Variants in CRMP1 observed in about 807,000 individuals in gnomAD.
The protein encoded by CRMP1 is collapsin response mediator protein 1, also known as dihydropyrimidinase-related protein 1.
In CRMP1, 19 loss-of-function variants were observed where a neutral mutation model predicts 68.3. The observed-to-expected ratio is 0.28, with a 90% confidence interval of 0.19 to 0.41. The LOEUF (loss-of-function observed/expected upper bound fraction) is 0.41. CRMP1 is among the 10% of genes least tolerant of loss of function. The probability of loss-of-function intolerance (pLI) is 1.00; values close to 1 mark genes in which losing one functional copy is unlikely to be tolerated. For missense variants in CRMP1, 791 were observed against 967.4 expected (o/e 0.82, Z 2.42); for synonymous variants, 439 against 399.6 (o/e 1.10, Z -1.18).
chr4:5,844,314 G>A (rs1052463610), intron 6 of CRMP1, among the ~76,000 whole-genome samples: 1 of 136,360 alleles, frequency 7.3e-6, no homozygotes, highest in Non-Finnish European at 1.6e-5. Context: ...TTGTTTACAT[G>A]TCAGTTACTA....
At position 5,891,998 on chromosome 4, in the gene CRMP1, G is replaced by T. The variant is rs557337285; in HGVS notation, c.381+591C>A. ...TGGCGCTTGAGGGTAGGGGTTTACG[G>T]CTCCAACTGCCCGACGAACTAAATC... is the stretch of plus-strand genomic sequence containing the variant. On this transcript the variant is annotated intron_variant, in intron 1 of 13. Coordinates refer to ENST00000324989, the MANE Select transcript of CRMP1 (RefSeq NM_001014809.3). This position sits in a 1 kb window ranked among gnomAD's most constrained non-coding sequence, Gnocchi z 5.2. Among the ~76,000 whole-genome samples, 12 of 152,314 alleles carry T rather than the reference G, an allele frequency of 7.9e-5. No individual in the cohort carries two copies. In the East Asian group the frequency reaches 1.7e-3, roughly 22 times the overall value.
Position 5,866,697 on chromosome 4 carries a change from A to G in CRMP1, c.441T>C (p.Ala147=). Residue 147 remains alanine (A), a synonymous_variant, in exon 2 of 14, where the codon GCT becomes GCC. Coordinates refer to ENST00000324989, the MANE Select transcript of CRMP1 (RefSeq NM_001014809.3). The surrounding 1 kb of genome is among the most constrained non-coding windows in gnomAD (Gnocchi z 5.9). The stretch of plus-strand genomic sequence containing the variant: ...TAAGTCCATCCTCCAGGTAGACGTC[A>G]GCATAAAGGGATTGGTCATCGTTGA... The part of the protein sequence containing the change: ...RIINDDQSLY[A]DVYLEDGLIK... 6.2e-7 allele frequency: 1 copy of G among 1,613,132 alleles called. No homozygotes were observed. Among genetic ancestry groups the G allele is most frequent in the Non-Finnish European group, 8.5e-7 (1 of 1,179,890 alleles).
At chr4:5,847,225 T>C (rs1317957014) in intron 6 of CRMP1, among the ~76,000 whole-genome samples, 2 of 152,182 alleles carry the variant, frequency 1.3e-5, no homozygotes, top group African/African-American at 4.8e-5. Context: ...GGAGATATCT[T>C]CCTTCTTTAG....
rs367908652 is a variant in CRMP1 at position 5,828,483 on chromosome 4, A to G, written c.1803+6T>C. On this transcript the variant is annotated splice_donor_region_variant and intron_variant, in intron 12 of 13. Transcript: ENST00000324989. ...GGTGGGCCCGCTCCCCTGCAGACAC[A>G]CTCACCTTATTCCTGATTTTGACGC... 3.7e-6 allele frequency: 6 copies of G among 1,612,944 alleles called. No individual in the cohort carries two copies. In the African/African-American group the frequency reaches 8.0e-5, roughly 22 times the overall value.
At chr4:5,823,028 C>CTGTCTTGGTGAATTTTTTTTAAGT (rs1718932024) in intron 13 of CRMP1, among the ~76,000 whole-genome samples, 4 of 152,224 alleles carry the variant, frequency 2.6e-5, no homozygotes, top group Non-Finnish European at 5.9e-5. Context: ...TTACCGACAA[C>CTGTCTTGGTGAATTTTTTTTAAGT]TGTCTTGGTG....
rs920666991 is a variant in CRMP1, at chr4:5,852,179, G to A, written c.821-710C>T. 7.9e-5 allele frequency among the ~76,000 whole-genome samples: 12 copies of A among 152,340 alleles called. No homozygotes were observed. In the South Asian group the frequency reaches 2.5e-3, roughly 32 times the overall value. On this transcript the variant is annotated intron_variant, in intron 4 of 13. Transcript: ENST00000324989. ...CCCATTTCTTTAAAGAATTGTGTTT[G>A]CAATTCCCATAAAGACATCAACAGT...
chr4:5,828,712 C>T (rs771997585), intron 11 of CRMP1, 44 bp from the exon 12 acceptor site: 2 of 1,599,174 alleles, frequency 1.3e-6, no homozygotes, highest in African/African-American at 2.7e-5. Context: ...TTTGCTCTGC[C>T]CCAAACGAGC....
In CRMP1 at chr4:5,843,147, G is replaced by C; in HGVS notation, c.978C>G (p.Ile326Met). 6.2e-7 allele frequency: 1 copy of C among 1,614,190 alleles called. No individual in the cohort carries two copies. The highest frequency in any genetic ancestry group is 8.5e-7 in the Non-Finnish European group (1 of 1,180,032). ...GDLIAQEQKR[I>M]LEMGITGPEG... ...CGGGACCCGTGATGCCCATCTCCAG[G>C]ATCCGCTTTTGTTCCTACAAGACAA... Residue 326 changes from isoleucine (I) to methionine (M), a missense_variant, in exon 7 of 14, where the codon ATC (isoleucine) becomes ATG (methionine). Transcript: ENST00000324989. This position sits in a 1 kb window ranked among gnomAD's most constrained non-coding sequence, Gnocchi z 4.1.
chr4:5,877,324 G>T lies in CRMP1; in HGVS notation c.382-10568C>A, dbSNP rs977570220. Reference sequence around the variant, plus strand: ...CAAAGCAAATTAATACATCGTAAAGGTTCTGTGCTGGGAGCCACAGGGGTT... The same window carrying T: ...CAAAGCAAATTAATACATCGTAAAGTTTCTGTGCTGGGAGCCACAGGGGTT... On this transcript the variant is annotated intron_variant, in intron 1 of 13. Coordinates refer to ENST00000324989, the MANE Select transcript of CRMP1 (RefSeq NM_001014809.3). This position sits in a 1 kb window ranked among gnomAD's most constrained non-coding sequence, Gnocchi z 4.3. Among the ~76,000 whole-genome samples, 24 of 152,322 alleles carry T rather than the reference G, an allele frequency of 1.6e-4. No homozygotes were observed. The highest frequency in any genetic ancestry group is 5.8e-4 in the African/African-American group (24 of 41,570).
At position 5,836,750 on chromosome 4, in the gene CRMP1, G is replaced by A. The variant is rs749546776; in HGVS notation, c.1452+15C>T. Reference sequence around the variant, plus strand: ...AGTGTTTCTAGAATGCTCCTGAGAAGAGATCCAGCCTTACCACCGCCTTGT... The same window carrying A: ...AGTGTTTCTAGAATGCTCCTGAGAAAAGATCCAGCCTTACCACCGCCTTGT... On this transcript the variant is annotated intron_variant, in intron 10 of 13. Transcript: ENST00000324989. 11 of 1,614,094 alleles carry A rather than the reference G, an allele frequency of 6.8e-6. No homozygotes were observed. Among genetic ancestry groups the A allele is most frequent in the African/African-American group, 1.3e-5 (1 of 75,060 alleles).
chr4:5,825,519 G>A lies in CRMP1; in HGVS notation c.1944C>T (p.Leu648=), dbSNP rs1226872667. Residue 648 remains leucine (L), a synonymous_variant, in exon 13 of 14, where the codon CTC becomes CTT. Transcript: ENST00000324989. This position sits in a 1 kb window ranked among gnomAD's most constrained non-coding sequence, Gnocchi z 4.4. The stretch of plus-strand genomic sequence containing the variant: ...CTGATAAGCTGAAGTTGGACTGGTG[G>A]AGGTTTCTGATGGGTGGGGGCTGGT... ...SKHQPPPIRN[L]HQSNFSLSGA... is the part of the protein sequence containing the mutation. The A allele has an allele frequency of 6.3e-7, 1 of 1,578,364 alleles. No homozygotes were observed.
Position 5,824,850 on chromosome 4 carries a change from T to C in CRMP1, c.1969+644A>G, listed in dbSNP as rs911364770. ...CTCAACGTGTGCGTGCCTGCCCTCA[T>C]GTGGCCATCTCACCAAATCACAGAT... On this transcript the variant is annotated intron_variant, in intron 13 of 13. Transcript: ENST00000324989. 5.1e-6 allele frequency: 5 copies of C among 985,306 alleles called. No individual in the cohort carries two copies. The African/African-American group carries it at 8.7e-5, about 17-fold the overall frequency. The allele number at this position is 985,306 out of a possible 1,614,324, so 61.0% of individuals were successfully genotyped here.
intron 1 of CRMP1, among the ~76,000 whole-genome samples, chr4:5,880,788 A>G (rs1715173671): frequency 6.6e-6 from 1 of 152,186 alleles, no homozygotes; most frequent in African/African-American, 2.4e-5. Flanking sequence ...AAATCCACAG[A>G]CAGTGCCTTG....
At position 5,883,655 on chromosome 4, in the gene CRMP1, G is replaced by GACAGACACACACACACACAC. The variant is rs1553909328; in HGVS notation, c.381+8933_381+8934insGTGTGTGTGTGTGTGTCTGT. ...AGATGGCAAGATAATTAAGGTCAGGGACACACACACACACACACACACACA... is the reference window on the plus strand; with the variant it reads ...AGATGGCAAGATAATTAAGGTCAGGGACAGACACACACACACACACACACACACACACACACACACACACA... On this transcript the variant is annotated intron_variant, in intron 1 of 13. Coordinates refer to ENST00000324989, the MANE Select transcript of CRMP1 (RefSeq NM_001014809.3). The surrounding 1 kb of genome is among the most constrained non-coding windows in gnomAD (Gnocchi z 4.5). Among the ~76,000 whole-genome samples, 6 of 149,578 alleles carry GACAGACACACACACACACAC rather than the reference G, an allele frequency of 4.0e-5. No homozygotes were observed. The highest frequency in any genetic ancestry group is 1.3e-4 in the Admixed American group (2 of 15,016).
chr4:5,850,194 C>T lies in CRMP1; in HGVS notation c.883-722G>A, dbSNP rs1361752894. On this transcript the variant is annotated intron_variant, in intron 5 of 13. Transcript: ENST00000324989. The surrounding 1 kb of genome is among the most constrained non-coding windows in gnomAD (Gnocchi z 4.4). The stretch of plus-strand genomic sequence containing the variant: ...CTCCATGCATGCAAGACAACATCCC[C>T]TCGGATGTCTGCTTTCCGACAGACA... Among the ~76,000 whole-genome samples, 1 of 152,332 alleles carries T rather than the reference C, an allele frequency of 6.6e-6. No homozygotes were observed. The highest frequency in any genetic ancestry group is 2.1e-4 in the South Asian group (1 of 4,826).
Position 5,836,788 on chromosome 4 carries a change from T to C in CRMP1, c.1429A>G (p.Thr477Ala). Residue 477 changes from threonine (T) to alanine (A), a missense_variant, in exon 10 of 14, where the codon ACG becomes GCG. By Grantham distance (58) the Thr-to-Ala change is moderately conservative. Transcript: ENST00000324989. ...EGVNGIEERM[T>A]VVWDKAVATG... Reference sequence around the variant, plus strand: ...ACCACCGCCTTGTCCCAGACGACCGTCATCCGCTCCTCTATCCCGTTGACA... The same window carrying C: ...ACCACCGCCTTGTCCCAGACGACCGCCATCCGCTCCTCTATCCCGTTGACA... 6.2e-7 allele frequency: 1 copy of C among 1,614,038 alleles called. No homozygotes were observed. Among genetic ancestry groups the C allele is most frequent in the Non-Finnish European group, 8.5e-7 (1 of 1,179,918 alleles).
chr4:5,833,552 T>C (rs1017162013), intron 11 of CRMP1, among the ~76,000 whole-genome samples: 7 of 115,872 alleles, frequency 6.0e-5, no homozygotes, highest in African/African-American at 3.7e-4. Flanking sequence ...AACTTACACA[T>C]GTGTCCTCTC....
At position 5,854,376 on chromosome 4, in the gene CRMP1, C is replaced by T. The variant is rs932140086; in HGVS notation, c.820+1767G>A. On this transcript the variant is annotated intron_variant, in intron 4 of 13. Transcript: ENST00000324989. The surrounding 1 kb of genome is among the most constrained non-coding windows in gnomAD (Gnocchi z 4.0). Reference sequence around the variant, plus strand: ...CTCAGCCTCCCAAGTAGCTGGGAGGCGTACACCACCACTCCTGGCTATGTT... The same window carrying T: ...CTCAGCCTCCCAAGTAGCTGGGAGGTGTACACCACCACTCCTGGCTATGTT... Among the ~76,000 whole-genome samples, 5 of 143,164 alleles carry T rather than the reference C, an allele frequency of 3.5e-5. No homozygotes were observed. Among genetic ancestry groups the T allele is most frequent in the African/African-American group, 7.8e-5 (3 of 38,620 alleles). 93.9% of individuals were successfully genotyped at this position (143,164 alleles called of 152,430 possible).
rs943453924 is a variant in CRMP1 at position 5,888,689 on chromosome 4, C to G, written c.381+3900G>C. 436 of 898,214 alleles carry G rather than the reference C, an allele frequency of 4.9e-4. 2 individuals are homozygous for G. The African/African-American group carries it at 7.4e-3, about 15-fold the overall frequency. 55.6% of individuals were successfully genotyped at this position (898,214 alleles called of 1,614,324 possible). ...CCCTGCGCACACGCCCTTGGCGGGC[C>G]CTGGCCTCGCTCTCGCGATCCAGAG... On this transcript the variant is annotated intron_variant, in intron 1 of 13. Transcript: ENST00000324989. The surrounding 1 kb of genome is among the most constrained non-coding windows in gnomAD (Gnocchi z 6.4).
Sources: gnomAD v4.1 joint callset for allele counts (sites outside exome capture counted in the v4.1 genomes callset) on GRCh38, gnomAD v4.1.1 for gene constraint, Gnocchi (gnomAD v3.1) non-coding constraint, MANE v1.5 for transcripts, NCBI Gene and HGNC (gene_info 2026-07-23, HGNC 2026-07-21) for gene names.